Variants in PRSS23 observed in about 807,000 individuals in gnomAD.
The protein encoded by PRSS23 is protease, serine 23.
PRSS23 carries 25 observed loss-of-function variants against 34.7 expected under a neutral mutation model. The observed-to-expected ratio is 0.72, with a 90% CI of 0.53 to 1.01. The LOEUF (loss-of-function observed/expected upper bound fraction) is 1.01, where lower values mean the gene tolerates loss of function less well. Among genes scored for constraint, PRSS23 ranks in the 50% least tolerant of loss-of-function variants. The pLI is 0.00. For synonymous variants in PRSS23, 176 were observed against 186.6 expected (o/e 0.94, Z 0.46); for missense variants, 445 against 475.6 (o/e 0.94, Z 0.60).
chr11:86,812,768 A>G (rs960302742), downstream of PRSS23, among the ~76,000 whole-genome samples: 1 of 149,630 alleles, frequency 6.7e-6, no homozygotes, highest in African/African-American at 2.5e-5. Context: ...AGCCTAGGCA[A>G]CAGAGTGAGA....
intron 2 of PRSS23, among the ~76,000 whole-genome samples, chr11:86,836,385 G>C (rs748048274): frequency 6.6e-6 from 1 of 152,070 alleles, no homozygotes; most frequent in African/African-American, 2.4e-5. Flanking sequence ...ACTTGAACAG[G>C]ATGGGTATTC....
chr11:86,822,902 T>TG (rs1324907179), intron 1 of PRSS23, among the ~76,000 whole-genome samples: 1 of 152,188 alleles, frequency 6.6e-6, no homozygotes, highest in East Asian at 1.9e-4. Flanking sequence ...ATGCTGGAAC[T>TG]GGGGTGGGAA....
intron 1 of PRSS23, among the ~76,000 whole-genome samples, chr11:86,820,454 TG>T (rs1565355067): frequency 6.6e-6 from 1 of 152,176 alleles, no homozygotes; most frequent in Non-Finnish European, 1.5e-5. Context: ...AGGTTTCCAG[TG>T]GGAACATCAT....
At chr11:86,829,899 CT>C (rs1948337091) in intron 2 of PRSS23, among the ~76,000 whole-genome samples, 1 of 152,204 alleles carries the variant, frequency 6.6e-6, no homozygotes, top group African/African-American at 2.4e-5. Context: ...TCTGCCCCTA[CT>C]GGGGGGTGCC....
Position 86,869,770 on chromosome 11 carries a change from C to T in PRSS23, c.206+46177C>T, listed in dbSNP as rs529954545. 2.0e-5 allele frequency among the ~76,000 whole-genome samples: 3 copies of T among 152,334 alleles called. No individual in the cohort carries two copies. The East Asian group carries it at 5.8e-4, about 29-fold the overall frequency. On this transcript the variant is annotated intron_variant, in intron 2 of 2. Transcript: ENST00000533902. ...ATGGAGCCCAGGAATCTTCCAGATA[C>T]TCACGCAGCACCTCTCAGATTGGTC...
intron 2 of PRSS23, among the ~76,000 whole-genome samples, chr11:86,891,001 G>A (rs1948837774): frequency 6.6e-6 from 1 of 152,194 alleles, no homozygotes; most frequent in Non-Finnish European, 1.5e-5. Context: ...TTGGTTCGGT[G>A]AGATAAAGTG....
In PRSS23 at chr11:86,809,077, CAATT is replaced by C. The variant is rs1365775075; in HGVS notation, c.*285_*288del. On this transcript the variant is annotated 3_prime_UTR_variant, in exon 2 of 2. Coordinates refer to ENST00000280258, the MANE Select transcript of PRSS23 (RefSeq NM_007173.6). ...ATTTGGGGCAATGAGGAATATTTGA[CAATT>C]AAGTTAATCTTCACGTTTTTGCAAA... The C allele has an allele frequency of 1.3e-5, 4 of 319,940 alleles. No homozygotes were observed. The highest frequency in any genetic ancestry group is 2.2e-5 in the African/African-American group (1 of 46,374). The allele number at this position is 319,940 out of a possible 1,614,324, so 19.8% of individuals were successfully genotyped here.
chr11:86,831,446 C>T (rs1052056373), intron 2 of PRSS23, among the ~76,000 whole-genome samples: 6 of 151,746 alleles, frequency 4.0e-5, no homozygotes, highest in Admixed American at 6.6e-5. Context: ...GGTGTACCCC[C>T]TGTGAAATTT....
intron 2 of PRSS23, among the ~76,000 whole-genome samples, chr11:86,855,598 C>T (rs184849107): frequency 1.8e-4 from 28 of 152,250 alleles, no homozygotes; most frequent in Non-Finnish European, 3.4e-4. Context: ...TAGTTTCAAG[C>T]GATTCTGCTG....
At chr11:86,864,850 C>G (rs1206014992) in intron 2 of PRSS23, among the ~76,000 whole-genome samples, 2 of 152,212 alleles carry the variant, frequency 1.3e-5, no homozygotes, top group African/African-American at 4.8e-5. Flanking sequence ...AAGTCAACAG[C>G]TAGCATCTTC....
chr11:86,900,363 C>T (rs769153753), intron 2 of PRSS23, among the ~76,000 whole-genome samples: 2 of 152,238 alleles, frequency 1.3e-5, no homozygotes, highest in Non-Finnish European at 2.9e-5. Context: ...CTGTGCCCAC[C>T]TTGCAATATG....
At chr11:86,823,802 C>T (rs1340541255) in intron 2 of PRSS23, among the ~76,000 whole-genome samples, 2 of 151,808 alleles carry the variant, frequency 1.3e-5, no homozygotes, top group Non-Finnish European at 2.9e-5. Flanking sequence ...GTCAGGAGAT[C>T]GAGACCATCC....
At chr11:86,951,839 A>G in exon 3 of PRSS23, 1 of 1,613,850 alleles carries the variant, frequency 6.2e-7, no homozygotes, top group Non-Finnish European at 8.5e-7. Flanking sequence ...CATCAGCAAG[A>G]AAATTATTGC....
At chr11:86,799,922 C>A (rs928822551), upstream of PRSS23, among the ~76,000 whole-genome samples, 2 of 152,230 alleles carry the variant, frequency 1.3e-5, no homozygotes, top group Admixed American at 1.3e-4. Flanking sequence ...GTGGCCCTGC[C>A]ATGGGAATAC....
chr11:86,855,859 G>T (rs1390625161), intron 2 of PRSS23, among the ~76,000 whole-genome samples: 2 of 152,112 alleles, frequency 1.3e-5, no homozygotes, highest in African/African-American at 4.8e-5. Flanking sequence ...GTCATTCTGT[G>T]CCTGGCTTAT....
upstream of PRSS23, among the ~76,000 whole-genome samples, chr11:86,798,377 C>T: frequency 1.3e-5 from 2 of 152,220 alleles, 1 homozygote; most frequent in Non-Finnish European, 2.9e-5. Context: ...GCACAAATAC[C>T]TAAATAATGT....
At chr11:86,876,334 A>G (rs1590907223) in intron 2 of PRSS23, among the ~76,000 whole-genome samples, 1 of 152,236 alleles carries the variant, frequency 6.6e-6, no homozygotes, top group African/African-American at 2.4e-5. Context: ...CCTATCTGCT[A>G]TGAAGGAATC....
chr11:86,901,643 C>T (rs930446507), intron 2 of PRSS23, among the ~76,000 whole-genome samples: 8 of 152,028 alleles, frequency 5.3e-5, no homozygotes, highest in Non-Finnish European at 8.8e-5. Flanking sequence ...TTGAGAGGGC[C>T]GATCACCTAC....
At chr11:86,855,855 C>G (rs552799595) in intron 2 of PRSS23, among the ~76,000 whole-genome samples, 2 of 152,220 alleles carry the variant, frequency 1.3e-5, no homozygotes, top group Non-Finnish European at 2.9e-5. Context: ...ATTTGTCATT[C>G]TGTGCCTGGC....
Sources: gnomAD v4.1 joint callset for allele counts (sites outside exome capture counted in the v4.1 genomes callset) on GRCh38, gnomAD v4.1.1 for gene constraint, MANE v1.5 for transcripts, NCBI Gene and HGNC (gene_info 2026-07-23, HGNC 2026-07-21) for gene names.